ADAMTSL3: variants seen among roughly 807,000 people sequenced by gnomAD.
ADAMTSL3 encodes ADAMTS like 3, also known as ADAMTS-like protein 3.
In ADAMTSL3, 128 loss-of-function variants were observed where a neutral mutation model predicts 201.7. The ratio of observed to expected loss-of-function variants is 0.63; its 90% CI spans 0.55 to 0.73. The LOEUF is 0.73. ADAMTSL3 is among the 30% of genes least tolerant of loss of function. ADAMTSL3 has a pLI of 0.00. For synonymous variants in ADAMTSL3, 738 were observed against 748.4 expected (o/e 0.99, Z 0.23); for missense variants, 1,990 against 2,119.6 (o/e 0.94, Z 1.20).
chr15:83,963,646 C>T (rs752614292), intron 19 of ADAMTSL3, among the ~76,000 whole-genome samples: 3 of 152,236 alleles, frequency 2.0e-5, no homozygotes, highest in Non-Finnish European at 2.9e-5. Flanking sequence ...CAGCACAGTG[C>T]TCAAGCTCTG....
rs566578364 is a variant in ADAMTSL3, at chr15:83,884,289, C to T, written c.961-812C>T. 2.8e-4 allele frequency among the ~76,000 whole-genome samples: 42 copies of T among 149,368 alleles called. No individual in the cohort carries two copies. In the East Asian group the frequency reaches 7.7e-3, roughly 27 times the overall value. On this transcript the variant is annotated intron_variant, in intron 9 of 29. Transcript: ENST00000286744. Reference sequence around the variant, plus strand: ...GAAATATGTGTATATTGTGGAATGGCTAGATGGAACTAATTAACATATATG... The same window carrying T: ...GAAATATGTGTATATTGTGGAATGGTTAGATGGAACTAATTAACATATATG...
intron 6 of ADAMTSL3, among the ~76,000 whole-genome samples, chr15:83,826,907 T>G (rs2141943950): frequency 6.6e-6 from 1 of 152,266 alleles, no homozygotes; most frequent in African/African-American, 2.4e-5. Context: ...ATCCAGTCTA[T>G]CATTGATGGA....
chr15:83,655,597 C>A, intron 1 of ADAMTSL3, 132 bp from the exon 2 acceptor site: 1 of 659,402 alleles, frequency 1.5e-6, no homozygotes, highest in Non-Finnish European at 2.6e-6. Context: ...CAGCGGCAAC[C>A]TGGGCCAACA....
At chr15:83,751,192 GAA>G (rs2062631513) in intron 3 of ADAMTSL3, among the ~76,000 whole-genome samples, 1 of 152,178 alleles carries the variant, frequency 6.6e-6, no homozygotes, top group Non-Finnish European at 1.5e-5. Context: ...TTTGAAGAAT[GAA>G]AACTCAGTGG....
intron 13 of ADAMTSL3, among the ~76,000 whole-genome samples, chr15:83,897,439 G>T (rs2065639514): frequency 6.6e-6 from 1 of 152,016 alleles, no homozygotes; most frequent in Non-Finnish European, 1.5e-5. Context: ...TAATCCTCTG[G>T]CATAATTCAT....
At chr15:83,685,484 G>C (rs1053654106) in intron 2 of ADAMTSL3, among the ~76,000 whole-genome samples, 3 of 152,152 alleles carry the variant, frequency 2.0e-5, no homozygotes, top group Non-Finnish European at 2.9e-5. Context: ...TACTGATCTT[G>C]TCTCTTATAG....
intron 8 of ADAMTSL3, among the ~76,000 whole-genome samples, chr15:83,870,320 G>T (rs762525065): frequency 1.6e-4 from 24 of 152,128 alleles, no homozygotes; most frequent in Non-Finnish European, 2.6e-4. Flanking sequence ...GGGAATGAAG[G>T]TTACAAAGGA....
At chr15:83,909,944 C>T (rs1038707609) in intron 15 of ADAMTSL3, among the ~76,000 whole-genome samples, 11 of 152,130 alleles carry the variant, frequency 7.2e-5, no homozygotes, top group African/African-American at 2.7e-4. Flanking sequence ...ATGTACCCCT[C>T]AAACCCCAGT....
At chr15:83,988,509 A>G (rs377037818) in intron 21 of ADAMTSL3, among the ~76,000 whole-genome samples, 182 bp from the exon 22 acceptor site, 1 of 152,104 alleles carries the variant, frequency 6.6e-6, no homozygotes, top group East Asian at 1.9e-4. Context: ...AAGAGGAAAC[A>G]CTCCACCCTC....
At chr15:83,882,039 T>C (rs1202820102) in intron 9 of ADAMTSL3, among the ~76,000 whole-genome samples, 1 of 148,958 alleles carries the variant, frequency 6.7e-6, no homozygotes, top group Non-Finnish European at 1.5e-5. Flanking sequence ...ACCTGTAGTC[T>C]CAGCTACTTG....
chr15:83,732,403 C>T (rs996588997), intron 3 of ADAMTSL3, among the ~76,000 whole-genome samples: 2 of 152,072 alleles, frequency 1.3e-5, no homozygotes, highest in African/African-American at 4.8e-5. Flanking sequence ...GTATATTTAT[C>T]TGCCTAACAG....
At chr15:83,923,800 A>G (rs1205239174) in intron 16 of ADAMTSL3, 104 bp from the exon 17 acceptor site, 11 of 1,378,166 alleles carry the variant, frequency 8.0e-6, no homozygotes, top group South Asian at 2.7e-5. Flanking sequence ...ATGATAGTCA[A>G]AAGGGCAGTA....
At chr15:84,030,342 C>G (rs1273969264) in intron 27 of ADAMTSL3, among the ~76,000 whole-genome samples, 1 of 152,186 alleles carries the variant, frequency 6.6e-6, no homozygotes, top group African/African-American at 2.4e-5. Context: ...GGGAGCCCAC[C>G]TCTTACATCA....
chr15:83,870,391 T>G (rs1343273392), intron 8 of ADAMTSL3, among the ~76,000 whole-genome samples: 1 of 152,214 alleles, frequency 6.6e-6, no homozygotes, highest in Non-Finnish European at 1.5e-5. Flanking sequence ...ATCAAAAGTT[T>G]TGTTTGATAA....
At chr15:83,770,857 C>G (rs2062970976) in intron 3 of ADAMTSL3, among the ~76,000 whole-genome samples, 1 of 152,068 alleles carries the variant, frequency 6.6e-6, no homozygotes. Flanking sequence ...ATTATGAGAT[C>G]AGGTTCGAGA....
At chr15:83,749,879 G>A (rs2062610575) in intron 3 of ADAMTSL3, among the ~76,000 whole-genome samples, 1 of 151,650 alleles carries the variant, frequency 6.6e-6, no homozygotes, top group Non-Finnish European at 1.5e-5. Context: ...TCTTCCTCTT[G>A]GACCTCAATT....
At chr15:83,925,586 G>A (rs948037117) in intron 17 of ADAMTSL3, among the ~76,000 whole-genome samples, 3 of 152,178 alleles carry the variant, frequency 2.0e-5, no homozygotes, top group African/African-American at 7.2e-5. Context: ...AGGAAGGTTT[G>A]ATGTAACTAG....
intron 23 of ADAMTSL3, among the ~76,000 whole-genome samples, chr15:84,008,767 G>T (rs924640955): frequency 1.3e-5 from 2 of 152,128 alleles, no homozygotes; most frequent in African/African-American, 4.8e-5. Context: ...CCGTGGATAT[G>T]TAATAGTTAT....
chr15:83,942,736 C>T lies in ADAMTSL3; in HGVS notation c.2258C>T (p.Ala753Val), dbSNP rs745354306. 5 of 1,614,018 alleles carry T rather than the reference C, an allele frequency of 3.1e-6. No individual in the cohort carries two copies. The South Asian group carries it at 5.5e-5, about 18-fold the overall frequency. ...GATGAAAAGCCCCATGCTTTACAAG[C>T]ATGCAATCAGTTTGACTGCCCTCCT... ...CRDEKPHALQ[A>V]CNQFDCPPGW... Residue 753 changes from alanine (A) to valine (V), a missense_variant, in exon 18 of 30, where the codon GCA (alanine) becomes GTA (valine). Transcript: ENST00000286744.
Sources: allele counts gnomAD v4.1 joint callset (sites outside exome capture counted in the v4.1 genomes callset), GRCh38; gene constraint gnomAD v4.1.1; transcripts MANE v1.5; gene names NCBI Gene and HGNC (gene_info 2026-07-23, HGNC 2026-07-21).